Variants in ABCA1 observed in about 807,000 individuals in gnomAD.
The protein encoded by ABCA1 is phospholipid-transporting ATPase ABCA1.
In ABCA1, 133 loss-of-function variants were observed where a neutral mutation model predicts 262.5. That is an observed-to-expected ratio of 0.51 (90% CI 0.44 to 0.59). The LOEUF is 0.59. Among genes scored for constraint, ABCA1 ranks in the 20% least tolerant of loss-of-function variants. The pLI is 0.00. For synonymous variants in ABCA1, 1,022 were observed against 1,043.5 expected (o/e 0.98, Z 0.40); for missense variants, 2,452 against 2,777.5 (o/e 0.88, Z 2.63).
At chr9:104,889,378 C>CATAT in intron 2 of ABCA1, 183 bp from the exon 3 acceptor site, 1 of 985,044 alleles carries the variant, frequency 1.0e-6, no homozygotes, top group Non-Finnish European at 1.2e-6. Flanking sequence ...CATACCATTC[C>CATAT]ATATACCTCT....
intron 2 of ABCA1, among the ~76,000 whole-genome samples, chr9:104,903,160 C>T (rs964918036): frequency 1.3e-5 from 2 of 152,148 alleles, no homozygotes; most frequent in Non-Finnish European, 2.9e-5. Flanking sequence ...TATTATATTC[C>T]TCCAGGCCTG....
At chr9:104,887,720 T>C (rs1037038532) in intron 3 of ABCA1, among the ~76,000 whole-genome samples, 2 of 146,052 alleles carry the variant, frequency 1.4e-5, no homozygotes, top group African/African-American at 5.1e-5. Flanking sequence ...TTTCAGTTTA[T>C]GCTTTTTTTT....
At chr9:104,927,263 G>T (rs1361226324) in intron 1 of ABCA1, among the ~76,000 whole-genome samples, 1 of 151,932 alleles carries the variant, frequency 6.6e-6, no homozygotes, top group South Asian at 2.1e-4. Flanking sequence ...TCTGCGCCAG[G>T]GACACCAGCT....
chr9:104,806,104 C>T, intron 31 of ABCA1, 137 bp downstream of exon 31: 1 of 933,086 alleles, frequency 1.1e-6, no homozygotes, highest in Admixed American at 2.7e-5. Context: ...GACTCCGCCT[C>T]AGAAAAAAAA....
At chr9:104,893,296 C>A (rs1839916045) in intron 2 of ABCA1, among the ~76,000 whole-genome samples, 1 of 151,418 alleles carries the variant, frequency 6.6e-6, no homozygotes, top group Non-Finnish European at 1.5e-5. Flanking sequence ...GTGGCGGGAG[C>A]CTGTAATCCC....
chr9:104,830,469 T>C (rs1467733628), intron 14 of ABCA1, among the ~76,000 whole-genome samples: 1 of 152,002 alleles, frequency 6.6e-6, no homozygotes, highest in Non-Finnish European at 1.5e-5. Context: ...GAGGGTGGAT[T>C]GCCTGAGCTC....
chr9:104,912,632 C>A (rs907193600), intron 1 of ABCA1, among the ~76,000 whole-genome samples: 1 of 152,114 alleles, frequency 6.6e-6, no homozygotes, highest in Non-Finnish European at 1.5e-5. Flanking sequence ...GAAACTCTAA[C>A]AAAATGTTAG....
Position 104,818,762 on chromosome 9 carries a change from C to A in ABCA1, c.3363G>T (p.Gln1121His). 1 of 1,613,996 alleles carries A rather than the reference C, an allele frequency of 6.2e-7. No homozygotes were observed. The highest frequency in any genetic ancestry group is 8.5e-7 in the Non-Finnish European group (1 of 1,180,036). Residue 1121 changes from glutamine (Q) to histidine (H), a missense_variant, in exon 23 of 50, where the codon CAG becomes CAT. Transcript: ENST00000374736. Reference sequence around the variant, plus strand: ...AGGTCAGGTAGTAGCCTGTTCCCAGCTGGTTCTTCAGAAACAGGGAGGAGC... The same window carrying A: ...AGGTCAGGTAGTAGCCTGTTCCCAGATGGTTCTTCAGAAACAGGGAGGAGC... Reference protein sequence around the residue: ...CVGSSLFLKNQLGTGYYLTLV... With the variant: ...CVGSSLFLKNHLGTGYYLTLV...
In ABCA1 at chr9:104,817,509, T is replaced by A; in HGVS notation, c.3463-105A>T. On this transcript the variant is annotated intron_variant, in intron 23 of 49. Coordinates refer to ENST00000374736, the MANE Select transcript of ABCA1 (RefSeq NM_005502.4). This position sits in a 1 kb window ranked among gnomAD's most constrained non-coding sequence, Gnocchi z 4.7. ...CCAAGAAGCTCTGTTGTGTGAGAACTAAAGGAAAAAGCTTTCCCTGGGACA... is the reference window on the plus strand; with the variant it reads ...CCAAGAAGCTCTGTTGTGTGAGAACAAAAGGAAAAAGCTTTCCCTGGGACA... 1.6e-6 allele frequency: 2 copies of A among 1,270,078 alleles called. No homozygotes were observed. Among genetic ancestry groups the A allele is most frequent in the South Asian group, 1.2e-5 (1 of 80,404 alleles). The allele number at this position is 1,270,078 out of a possible 1,614,324, so 78.7% of individuals were successfully genotyped here.
intron 4 of ABCA1, 79 bp downstream of exon 4, chr9:104,884,348 C>T: frequency 1.3e-6 from 2 of 1,580,360 alleles, no homozygotes; most frequent in Non-Finnish European, 1.7e-6. Context: ...TCCAGCCATT[C>T]AAAATTCTCC....
rs4149296 is a variant in ABCA1, at chr9:104,844,165, C to T, written c.813+1312G>A. Among the ~76,000 whole-genome samples the T allele has an allele frequency of 6.7e-3, 1,014 of 151,998 alleles. 27 individuals carry two copies. Among genetic ancestry groups the T allele is most frequent in the East Asian group, 0.053 (272 of 5,120 alleles). On this transcript the variant is annotated intron_variant, in intron 8 of 49. Coordinates refer to ENST00000374736, the MANE Select transcript of ABCA1 (RefSeq NM_005502.4). ...GAAATGAACAAGGGACAGAGGGCTG[C>T]GAGGGGATCTGCAGAGCAATGCAAG... is the stretch of plus-strand genomic sequence containing the variant.
At position 104,826,956 on chromosome 9, in the gene ABCA1, T is replaced by C. The variant is rs1337064915; in HGVS notation, c.2329A>G (p.Ile777Val). Residue 777 changes from isoleucine (I) to valine (V), a missense_variant, in exon 16 of 50, where the codon ATC becomes GTC. This residue lies in a region of ABCA1 where 1,032 missense variants were observed against 1,089.7 expected (regional missense o/e 0.95). Coordinates refer to ENST00000374736, the MANE Select transcript of ABCA1 (RefSeq NM_005502.4). ...AGGCCAGAGGTACTCACAGCGAAGA[T>C]CTTGAGTGTGAAGCCCACGTAGTCC... ...WQDYVGFTLK[I>V]FASLLSPVAF... The C allele has an allele frequency of 6.2e-7, 1 of 1,613,760 alleles. No homozygotes were observed. Among genetic ancestry groups the C allele is most frequent in the Admixed American group, 1.7e-5 (1 of 60,022 alleles).
At chr9:104,863,019 A>C (rs1157593245) in intron 5 of ABCA1, among the ~76,000 whole-genome samples, 2 of 152,026 alleles carry the variant, frequency 1.3e-5, no homozygotes, top group African/African-American at 4.8e-5. Context: ...TGATTGCTAA[A>C]GGATTTCATA....
chr9:104,888,058 G>GGTGT (rs10693809), intron 3 of ABCA1, among the ~76,000 whole-genome samples: 10,976 of 140,240 alleles, frequency 0.078, 511 homozygotes, highest in African/African-American at 0.15. Flanking sequence ...TTTCTTGAGG[G>GGTGT]GTGTGTGTGT....
chr9:104,916,670 A>G (rs1295699832), intron 1 of ABCA1, among the ~76,000 whole-genome samples: 1 of 152,216 alleles, frequency 6.6e-6, no homozygotes, highest in Non-Finnish European at 1.5e-5. Context: ...GTAATGGAAC[A>G]GAAAACAAGT....
intron 15 of ABCA1, 128 bp downstream of exon 15, chr9:104,828,788 G>A (rs1170263064): frequency 9.8e-7 from 1 of 1,023,306 alleles, no homozygotes; most frequent in Non-Finnish European, 1.5e-6. Flanking sequence ...GGATGAAATT[G>A]CAGGAAATGA....
intron 43 of ABCA1, 71 bp from the exon 44 acceptor site, chr9:104,791,099 T>C: frequency 2.0e-6 from 2 of 1,023,138 alleles, no homozygotes; most frequent in Non-Finnish European, 3.1e-6. Context: ...AACACGTAAC[T>C]ACCTCAAACC....
chr9:104,918,165 G>A (rs1266661511), intron 1 of ABCA1, among the ~76,000 whole-genome samples: 2 of 152,010 alleles, frequency 1.3e-5, no homozygotes, highest in Admixed American at 6.6e-5. Context: ...TTCAGTAGGT[G>A]AGGAATATGA....
intron 1 of ABCA1, among the ~76,000 whole-genome samples, chr9:104,909,108 T>A (rs1841343260): frequency 6.6e-6 from 1 of 152,238 alleles, no homozygotes. Context: ...GATTATTGTG[T>A]GATCGCCTTG....
Sources: allele counts gnomAD v4.1 joint callset (sites outside exome capture counted in the v4.1 genomes callset), GRCh38; gene constraint gnomAD v4.1.1; regional missense constraint gnomAD v4.1.1; non-coding constraint Gnocchi (gnomAD v3.1); transcripts MANE v1.5; gene names NCBI Gene and HGNC (gene_info 2026-07-23, HGNC 2026-07-21).